SNX10: variants seen among roughly 807,000 people sequenced by gnomAD.
The protein encoded by SNX10 is sorting nexin 10.
In SNX10, 25 loss-of-function variants were observed where a neutral mutation model predicts 28.5. That is an observed-to-expected ratio of 0.88 (90% confidence interval 0.64 to 1.22). The LOEUF (loss-of-function observed/expected upper bound fraction) is 1.22, where lower values mean the gene tolerates loss of function less well. SNX10 is among the 50% of genes most tolerant of loss of function. The pLI is 0.00. For missense variants in SNX10, 223 were observed against 242.6 expected (o/e 0.92, Z 0.54); for synonymous variants, 62 against 81.4 (o/e 0.76, Z 1.28).
chr7:26,296,723 A>G (rs1388957370), intron 1 of SNX10, among the ~76,000 whole-genome samples: 2 of 152,156 alleles, frequency 1.3e-5, no homozygotes, highest in Non-Finnish European at 2.9e-5. Context: ...ATCAAAATAT[A>G]TCAGGTAGGT....
Position 26,367,034 on chromosome 7 carries a change from T to C in SNX10, c.311+1889T>C, listed in dbSNP as rs911441913. Among the ~76,000 whole-genome samples the C allele has an allele frequency of 3.3e-5, 5 of 152,168 alleles. No homozygotes were observed. In the South Asian group the frequency reaches 1.0e-3, roughly 32 times the overall value. ...CTCCCATAATCATGGTTCCTGGTTT[T>C]TTTTCTAGCTGCATGTGAGCCTTGG... On this transcript the variant is annotated intron_variant, in intron 5 of 6. Transcript: ENST00000338523.
chr7:26,338,673 G>A (rs1162720748), intron 1 of SNX10, among the ~76,000 whole-genome samples: 1 of 152,158 alleles, frequency 6.6e-6, no homozygotes, highest in African/African-American at 2.4e-5. Flanking sequence ...CAAAGTGCTG[G>A]GATTACAGGT....
intron 1 of SNX10, among the ~76,000 whole-genome samples, chr7:26,325,044 T>TG (rs1787446605): frequency 6.6e-6 from 1 of 151,720 alleles, no homozygotes; most frequent in Non-Finnish European, 1.5e-5. Flanking sequence ...ATAATCCAGC[T>TG]GGGAGGCTTT....
chr7:26,297,035 T>C (rs1786137357), intron 1 of SNX10, among the ~76,000 whole-genome samples: 1 of 152,214 alleles, frequency 6.6e-6, no homozygotes, highest in Non-Finnish European at 1.5e-5. Context: ...CATTTAAAGA[T>C]TAAATGTCAA....
At chr7:26,367,487 T>C (rs1295509454) in intron 5 of SNX10, among the ~76,000 whole-genome samples, 1 of 152,228 alleles carries the variant, frequency 6.6e-6, no homozygotes, top group Non-Finnish European at 1.5e-5. Flanking sequence ...AAATGAAAGC[T>C]GGTGCTTCCA....
In SNX10 at chr7:26,343,895, C is replaced by T. The variant is rs76741846; in HGVS notation, c.-23-2525C>T. 7.8e-3 allele frequency among the ~76,000 whole-genome samples: 1,183 copies of T among 152,246 alleles called. 11 individuals carry two copies. The highest frequency in any genetic ancestry group is 0.016 in the African/African-American group (676 of 41,526). ...TCTCACACCATCCTTTAGGCCTCAG[C>T]GGAAGTGCCATTTTCTCAGTAAACC... is the stretch of plus-strand genomic sequence containing the variant. On this transcript the variant is annotated intron_variant, in intron 1 of 6. Transcript: ENST00000338523.
intron 1 of SNX10, among the ~76,000 whole-genome samples, chr7:26,294,431 T>G (rs1786034573): frequency 6.6e-6 from 1 of 152,236 alleles, no homozygotes; most frequent in Non-Finnish European, 1.5e-5. Flanking sequence ...TAATCTTTGC[T>G]TCCCAGAACT....
Position 26,371,801 on chromosome 7 carries a change from TC to T in SNX10, c.312-18del. ...GACCATCCTGTTCACCAATTATTTTTCCTTTTTTTTTTAATATAGAGTCCTA... is the reference window on the plus strand; with the variant it reads ...GACCATCCTGTTCACCAATTATTTTTCTTTTTTTTTTAATATAGAGTCCTA... On this transcript the variant is annotated intron_variant, in intron 5 of 6. Transcript: ENST00000338523. 1 of 1,549,194 alleles carries T rather than the reference TC, an allele frequency of 6.5e-7. No homozygotes were observed. The highest frequency in any genetic ancestry group is 1.4e-5 in the African/African-American group (1 of 72,868).
intron 1 of SNX10, among the ~76,000 whole-genome samples, chr7:26,310,787 A>G (rs1241646995): frequency 2.0e-5 from 3 of 150,810 alleles, no homozygotes; most frequent in Non-Finnish European, 4.4e-5. Context: ...GGTTCACGCC[A>G]TTCTCCTGTC....
chr7:26,358,805 G>GTTTTTTTTTTTTTTTGTTTTT (rs1788939092), intron 2 of SNX10, among the ~76,000 whole-genome samples: 5 of 100,102 alleles, frequency 5.0e-5, no homozygotes, highest in Admixed American at 3.4e-4. Flanking sequence ...GTTATCTTGT[G>GTTTTTTTTTTTTTTTGTTTTT]TTTTTTTTTT....
chr7:26,307,590 G>T (rs968083233), intron 1 of SNX10, among the ~76,000 whole-genome samples: 7 of 151,970 alleles, frequency 4.6e-5, no homozygotes, highest in Admixed American at 3.9e-4. Context: ...TGGGACTATG[G>T]GTGCGTGCCA....
At position 26,366,467 on chromosome 7, in the gene SNX10, C is replaced by T. The variant is rs111872953; in HGVS notation, c.311+1322C>T. Among the ~76,000 whole-genome samples, 242 of 152,232 alleles carry T rather than the reference C, an allele frequency of 1.6e-3. 2 individuals are homozygous for T. In the Middle Eastern group the frequency reaches 0.017, roughly 11 times the overall value. On this transcript the variant is annotated intron_variant, in intron 5 of 6. Transcript: ENST00000338523. ...AACTGATTAGCAGAGCCAAGTCCTC[C>T]GAAAACATTTCATTGTATTTTTGGG...
At chr7:26,344,733 A>C (rs1219072958) in intron 1 of SNX10, among the ~76,000 whole-genome samples, 2 of 152,204 alleles carry the variant, frequency 1.3e-5, no homozygotes, top group African/African-American at 4.8e-5. Context: ...AGCTCCACAA[A>C]GAGTGACTGA....
chr7:26,351,659 G>GTTT (rs796713404), intron 2 of SNX10, among the ~76,000 whole-genome samples: 3 of 44,878 alleles, frequency 6.7e-5, no homozygotes, highest in Non-Finnish European at 1.3e-4. Flanking sequence ...TTTTTTTTTT[G>GTTT]TTTTTTTTTT....
chr7:26,350,140 C>T (rs1179447307), intron 2 of SNX10, among the ~76,000 whole-genome samples: 3 of 152,180 alleles, frequency 2.0e-5, no homozygotes, highest in Admixed American at 2.0e-4. Context: ...GAGATTCATC[C>T]CTTTAGGATA....
intron 1 of SNX10, among the ~76,000 whole-genome samples, chr7:26,315,504 T>C (rs1340439129): frequency 6.6e-6 from 1 of 151,600 alleles, no homozygotes; most frequent in Admixed American, 6.6e-5. Context: ...CCGTCTCTAC[T>C]AAAAATACAA....
intron 1 of SNX10, among the ~76,000 whole-genome samples, chr7:26,296,006 A>C (rs1319101221): frequency 1.3e-5 from 2 of 152,224 alleles, no homozygotes; most frequent in African/African-American, 4.8e-5. Flanking sequence ...GTGGTGGCGC[A>C]TGCCTGTAGT....
At chr7:26,358,398 A>G (rs1298504183) in intron 2 of SNX10, among the ~76,000 whole-genome samples, 1 of 152,154 alleles carries the variant, frequency 6.6e-6, no homozygotes, top group Admixed American at 6.5e-5. Flanking sequence ...CTTTTAAGAA[A>G]TGATGGTTGT....
chr7:26,344,699 C>T (rs964247221), intron 1 of SNX10, among the ~76,000 whole-genome samples: 3 of 152,194 alleles, frequency 2.0e-5, no homozygotes, highest in African/African-American at 7.2e-5. Context: ...CCTGCTTGCA[C>T]CTCAGCCCAT....
Sources: allele counts gnomAD v4.1 joint callset (sites outside exome capture counted in the v4.1 genomes callset), GRCh38; gene constraint gnomAD v4.1.1; transcripts MANE v1.5; gene names NCBI Gene and HGNC (gene_info 2026-07-23, HGNC 2026-07-21).